MACF1: variants seen among roughly 807,000 people sequenced by gnomAD.
The protein encoded by MACF1 is microtubule-actin cross-linking factor 1.
In MACF1, 193 loss-of-function variants were observed where a neutral mutation model predicts 854.8. The observed-to-expected ratio is 0.23, with a 90% CI of 0.20 to 0.25. MACF1 has a LOEUF of 0.25. MACF1 is among the 10% of genes least tolerant of loss of function. The probability of loss-of-function intolerance (pLI) is 1.00; values close to 1 mark genes in which losing one functional copy is unlikely to be tolerated. For synonymous variants in MACF1, 3,185 were observed against 3,226.7 expected (o/e 0.99, Z 0.44); for missense variants, 7,722 against 8,929.1 (o/e 0.86, Z 5.45).
chr1:39,169,205 A>G (rs906995810), intron 2 of MACF1, among the ~76,000 whole-genome samples: 9 of 152,126 alleles, frequency 5.9e-5, no homozygotes, highest in Non-Finnish European at 1.2e-4. Context: ...ACCGCCTCAT[A>G]TTTTGTTTTC....
chr1:39,221,890 C>T (rs1644656223), intron 1 of MACF1, among the ~76,000 whole-genome samples: 1 of 152,166 alleles, frequency 6.6e-6, no homozygotes, highest in Non-Finnish European at 1.5e-5. Context: ...CTTCCCAAAA[C>T]ATACTGTGGG....
chr1:39,292,763 C>A lies in MACF1; in HGVS notation c.1915-3C>A, dbSNP rs1330719812. ...TATTTTTATTTCATTCTTTTTTAATCAGGGAAAGATGTCCCAGAATTTCCA... is the reference window on the plus strand; with the variant it reads ...TATTTTTATTTCATTCTTTTTTAATAAGGGAAAGATGTCCCAGAATTTCCA... On this transcript the variant is annotated splice_polypyrimidine_tract_variant and splice_region_variant and intron_variant, in intron 16 of 100. Transcript: ENST00000564288. 2 of 1,600,922 alleles carry A rather than the reference C, an allele frequency of 1.2e-6. No individual in the cohort carries two copies. The highest frequency in any genetic ancestry group is 8.5e-7 in the Non-Finnish European group (1 of 1,170,742).
chr1:39,169,210 G>A (rs1200620845), intron 2 of MACF1, among the ~76,000 whole-genome samples: 2 of 152,122 alleles, frequency 1.3e-5, no homozygotes, highest in East Asian at 3.9e-4. Context: ...CTCATATTTT[G>A]TTTTCTGTGT....
chr1:39,262,289 C>T lies in MACF1; in HGVS notation c.528+4261C>T, dbSNP rs574864867. On this transcript the variant is annotated intron_variant, in intron 6 of 100. Coordinates refer to ENST00000564288, the MANE Select transcript of MACF1 (RefSeq NM_001394062.1). ...TGTTGGCGCACTGTAGTCCCACCTACTTGGGAGGCTGCAAAGCATGAGAAT... is the reference window on the plus strand; with the variant it reads ...TGTTGGCGCACTGTAGTCCCACCTATTTGGGAGGCTGCAAAGCATGAGAAT... Among the ~76,000 whole-genome samples the T allele has an allele frequency of 3.4e-5, 5 of 145,366 alleles. No homozygotes were observed. In the East Asian group the frequency reaches 1.1e-3, roughly 31 times the overall value.
intron 70 of MACF1, chr1:39,436,421 G>C: frequency 6.3e-7 from 1 of 1,594,316 alleles, no homozygotes; most frequent in Non-Finnish European, 8.6e-7. Flanking sequence ...GTTGCTGCCT[G>C]CTCCTGTCTT....
rs936743250 is a variant in MACF1 at position 39,333,177 on chromosome 1, A to T, written c.6589A>T (p.Lys2197Ter). Residue 2197 changes from lysine to a stop codon, truncating the protein, a stop_gained, in exon 37 of 101, where the codon AAA becomes TAA. Coordinates refer to ENST00000564288, the MANE Select transcript of MACF1 (RefSeq NM_001394062.1). LOFTEE classifies it high-confidence loss of function. The part of the protein sequence containing the change: ...TGGSHIKPQS[K>*]KLQVQVKKTL... ...AGGATCTCACATAAAACCCCAAAGC[A>T]AAAAGTTACAAGTTCAGGTAAAGAA... The T allele has an allele frequency of 6.2e-7, 1 of 1,612,952 alleles. No individual in the cohort carries two copies. Among genetic ancestry groups the T allele is most frequent in the Admixed American group, 1.7e-5 (1 of 59,804 alleles).
intron 58 of MACF1, among the ~76,000 whole-genome samples, chr1:39,390,002 T>C (rs1271175099): frequency 1.3e-5 from 2 of 152,208 alleles, no homozygotes; most frequent in Non-Finnish European, 2.9e-5. Context: ...TGAGTATAAA[T>C]TAAAGTAACA....
intron 2 of MACF1, among the ~76,000 whole-genome samples, chr1:39,167,963 A>T (rs1292086285): frequency 6.6e-6 from 1 of 152,084 alleles, no homozygotes; most frequent in African/African-American, 2.4e-5. Flanking sequence ...CTTTACCCCC[A>T]CAGCTCAAGT....
rs36115430 is a variant in MACF1, at chr1:39,095,718, CA to C, written c.220+11291del. 6.6e-3 allele frequency among the ~76,000 whole-genome samples: 954 copies of C among 143,574 alleles called. 8 individuals carry two copies. The highest frequency in any genetic ancestry group is 0.015 in the Middle Eastern group (4 of 272). 94.2% of individuals were successfully genotyped at this position (143,574 alleles called of 152,430 possible). A position where few individuals can be genotyped will look rare whatever the true frequency, so the allele number is the denominator to read the frequency against. ...CAACATAGTGAGACCACCATCTCCA[CA>C]AAAAAAAAAATTAGGTGTGGTGGTG... On this transcript the variant is annotated intron_variant, in intron 2 of 93. Transcript: ENST00000361689.
rs1268477291 is a variant in MACF1 at position 39,333,641 on chromosome 1, T to C, written c.7053T>C (p.Asn2351=). The change falls in exon 37 of 101, where the codon AAT becomes AAC. Residue 2351 remains asparagine, a synonymous_variant. Transcript: ENST00000564288. The stretch of plus-strand genomic sequence containing the variant: ...CTTTGACAACTGAAGAAGTCATTAA[T>C]GAAGGTCTGATGGATGAGAAATTAT... ...CESLTTEEVI[N]EGLMDEKLLH... The C allele has an allele frequency of 6.2e-7, 1 of 1,614,208 alleles. No homozygotes were observed. Among genetic ancestry groups the C allele is most frequent in the Non-Finnish European group, 8.5e-7 (1 of 1,180,032 alleles).
rs760164756 is a variant in MACF1, at chr1:39,379,174, C to T, written c.13277-29C>T. 19 of 1,541,798 alleles carry T rather than the reference C, an allele frequency of 1.2e-5. No homozygotes were observed. The South Asian group carries it at 2.4e-4, about 20-fold the overall frequency. On this transcript the variant is annotated intron_variant, in intron 53 of 100. Transcript: ENST00000564288. Reference sequence around the variant, plus strand: ...AGGAGCATACTCGAAGAGCTGTCTCCAATCTGATTTCTGTTTCTATGATAC... The same window carrying T: ...AGGAGCATACTCGAAGAGCTGTCTCTAATCTGATTTCTGTTTCTATGATAC...
chr1:39,359,778 G>A (rs549437442), intron 47 of MACF1, among the ~76,000 whole-genome samples: 73 of 150,938 alleles, frequency 4.8e-4, no homozygotes, highest in African/African-American at 1.7e-3. Flanking sequence ...AGACCATCCT[G>A]GCCAAGAAGA....
intron 56 of MACF1, 50 bp downstream of exon 56, chr1:39,382,202 A>G (rs1381501683): frequency 1.3e-6 from 2 of 1,535,778 alleles, no homozygotes; most frequent in Admixed American, 3.5e-5. Flanking sequence ...ACTGGGTTTG[A>G]ATGTTTCTCC....
intron 1 of MACF1, among the ~76,000 whole-genome samples, chr1:39,216,803 A>G (rs993990392): frequency 4.6e-5 from 7 of 152,114 alleles, no homozygotes; most frequent in African/African-American, 1.7e-4. Context: ...GTAACCAACA[A>G]AGAAGTATAG....
At chr1:39,154,596 G>A (rs762998094) in intron 2 of MACF1, among the ~76,000 whole-genome samples, 27 of 152,084 alleles carry the variant, frequency 1.8e-4, no homozygotes, top group Non-Finnish European at 3.1e-4. Context: ...GATATGATTC[G>A]TTCTCGCCTC....
At chr1:39,194,355 T>TC (rs1245435573) in intron 2 of MACF1, among the ~76,000 whole-genome samples, 1 of 122,112 alleles carries the variant, frequency 8.2e-6, no homozygotes, top group Non-Finnish European at 1.8e-5. Flanking sequence ...TCTTTTCTTT[T>TC]TTTTTTTTTT....
At chr1:39,463,802 T>C in intron 94 of MACF1, 116 bp downstream of exon 94, 1 of 830,206 alleles carries the variant, frequency 1.2e-6, no homozygotes, top group African/African-American at 1.7e-5. Flanking sequence ...ATGTGGTCAC[T>C]CTCTGACCTC....
intron 1 of MACF1, among the ~76,000 whole-genome samples, chr1:39,219,317 G>A (rs1012193701): frequency 1.3e-5 from 2 of 152,162 alleles, no homozygotes; most frequent in African/African-American, 4.8e-5. Context: ...TGACAGACTT[G>A]GATTTGAATC....
intron 2 of MACF1, among the ~76,000 whole-genome samples, chr1:39,185,648 G>C (rs546727658): frequency 7.1e-4 from 108 of 152,256 alleles, no homozygotes; most frequent in Admixed American, 2.0e-3. Context: ...ACGTTCTTCT[G>C]GCTGATCATG....
Sources: allele counts gnomAD v4.1 joint callset (sites outside exome capture counted in the v4.1 genomes callset), GRCh38; gene constraint gnomAD v4.1.1; transcripts MANE v1.5; gene names NCBI Gene and HGNC (gene_info 2026-07-23, HGNC 2026-07-21).